Variants in ATG7 observed in about 807,000 individuals in gnomAD.
ATG7 encodes ubiquitin-like modifier-activating enzyme ATG7.
Under a neutral mutation model 82.4 loss-of-function variants are expected in ATG7, and 70 were observed. The ratio of observed to expected loss-of-function variants is 0.85; its 90% CI spans 0.70 to 1.04. The LOEUF is 1.04. Ranked by LOEUF, ATG7 falls within the 50% of genes least tolerant of loss-of-function variation. The pLI, the probability that ATG7 is intolerant of heterozygous loss-of-function variation, is 0.00. For missense variants in ATG7, 792 were observed against 864.3 expected, an observed-to-expected ratio of 0.92 and a Z score of 1.05; for synonymous variants, 287 against 313.0, an observed-to-expected ratio of 0.92 and a Z score of 0.88.
intron 20 of ATG7, among the ~76,000 whole-genome samples, chr3:11,449,230 G>T (rs1432904071): frequency 6.6e-6 from 1 of 152,282 alleles, no homozygotes; most frequent in East Asian, 1.9e-4. Context: ...CTATTAGCTG[G>T]GCATGATGGC....
the ATG7 span, among the ~76,000 whole-genome samples, chr3:11,566,662 G>A: frequency 1.2e-4 from 18 of 152,216 alleles, no homozygotes; most frequent in Admixed American, 9.2e-4. Flanking sequence ...CTGTGTACAC[G>A]CGGTGCCGCT....
the ATG7 span, chr3:11,565,128 C>T: frequency 1.8e-6 from 2 of 1,123,930 alleles, no homozygotes; most frequent in African/African-American, 3.3e-5. This position sits in a 1 kb window ranked among gnomAD's most constrained non-coding sequence, Gnocchi z 4.1. Flanking sequence ...CCCTGAAGCT[C>T]AGGTCGTGTG....
downstream of ATG7, among the ~76,000 whole-genome samples, chr3:11,562,645 A>G (rs1000010): frequency 0.43 from 65,718 of 152,146 alleles, 14,725 homozygotes; most frequent in African/African-American, 0.54. Context: ...GCATGGCCTC[A>G]GCCCCGCCAC....
At chr3:11,377,830 G>C (rs1431092207) in intron 18 of ATG7, among the ~76,000 whole-genome samples, 5 of 152,000 alleles carry the variant, frequency 3.3e-5, no homozygotes, top group Non-Finnish European at 7.4e-5. Flanking sequence ...ATTCCCATTT[G>C]TGACTTGCTA....
intron 20 of ATG7, among the ~76,000 whole-genome samples, chr3:11,430,119 A>AAAAAAG (rs1265038129): frequency 6.6e-6 from 1 of 151,994 alleles, no homozygotes; most frequent in African/African-American, 2.4e-5. Flanking sequence ...GTGACCCTTA[A>AAAAAAG]TAGGTATTTG....
chr3:11,372,831 T>TGC lies in ATG7; in HGVS notation c.1876-7140_1876-7139insCG, dbSNP rs1559490419. 8.6e-5 allele frequency among the ~76,000 whole-genome samples: 10 copies of TGC among 116,242 alleles called. No individual in the cohort carries two copies. The East Asian group carries it at 1.2e-3, about 14-fold the overall frequency. 76.3% of individuals were successfully genotyped at this position (116,242 alleles called of 152,430 possible). A position where few individuals can be genotyped will look rare whatever the true frequency, so the allele number is the denominator to read the frequency against. On this transcript the variant is annotated intron_variant, in intron 18 of 20. Transcript: ENST00000693202. ...GTGTGTGTGTGCGCGCGTGTGCGTG[T>TGC]GTGTGCGTGCGTGCGTGTGCGTGTG...
At chr3:11,426,970 A>T in intron 20 of ATG7, 44 bp downstream of exon 20, 1 of 1,517,672 alleles carries the variant, frequency 6.6e-7, no homozygotes, top group Non-Finnish European at 8.8e-7. Context: ...TGACATGCTT[A>T]AAACTATTTG....
the ATG7 span, among the ~76,000 whole-genome samples, chr3:11,575,906 C>T: frequency 6.6e-6 from 1 of 152,144 alleles, no homozygotes; most frequent in African/African-American, 2.4e-5. Context: ...TCTAGAGAGG[C>T]GGGACTCACG....
chr3:11,320,130 G>A (rs891826529), intron 9 of ATG7, among the ~76,000 whole-genome samples: 20 of 151,830 alleles, frequency 1.3e-4, no homozygotes, highest in African/African-American at 4.4e-4. Flanking sequence ...CTTTTGCCTG[G>A]AACTCTCTTC....
chr3:11,509,481 C>T (rs2091932708), intron 20 of ATG7, among the ~76,000 whole-genome samples: 1 of 151,940 alleles, frequency 6.6e-6, no homozygotes, highest in Admixed American at 6.6e-5. Flanking sequence ...TGGTGCAACT[C>T]CTTGTATGTC....
intron 20 of ATG7, among the ~76,000 whole-genome samples, chr3:11,522,865 T>C (rs1477889695): frequency 1.3e-5 from 2 of 152,110 alleles, no homozygotes; most frequent in African/African-American, 4.8e-5. Context: ...CACAAATTAG[T>C]AGATAGCTCT....
chr3:11,434,875 A>T (rs1159507147), intron 20 of ATG7, among the ~76,000 whole-genome samples: 1 of 152,238 alleles, frequency 6.6e-6, no homozygotes, highest in Non-Finnish European at 1.5e-5. Context: ...ATGGGAATCC[A>T]GTCCTTCTTA....
intron 20 of ATG7, among the ~76,000 whole-genome samples, chr3:11,530,597 G>A (rs943541480): frequency 2.0e-5 from 3 of 152,032 alleles, no homozygotes; most frequent in Non-Finnish European, 4.4e-5. Flanking sequence ...GAGACCAACC[G>A]CTGTTGCCCT....
intron 20 of ATG7, among the ~76,000 whole-genome samples, chr3:11,485,521 G>C (rs762997706): frequency 6.6e-6 from 1 of 152,028 alleles, no homozygotes; most frequent in Non-Finnish European, 1.5e-5. Context: ...AGTTTCTTTT[G>C]CTGTGCAGAA....
chr3:11,359,253 T>C (rs1479054297), intron 15 of ATG7, among the ~76,000 whole-genome samples: 1 of 152,168 alleles, frequency 6.6e-6, no homozygotes, highest in African/African-American at 2.4e-5. Context: ...AAACTATTAA[T>C]AGTAATTTTT....
chr3:11,301,659 C>G (rs1270693653), intron 5 of ATG7, among the ~76,000 whole-genome samples: 1 of 152,170 alleles, frequency 6.6e-6, no homozygotes, highest in Non-Finnish European at 1.5e-5. Flanking sequence ...CTAATAATCT[C>G]TCTCTTGTTT....
chr3:11,559,583 T>C (rs2072777919), downstream of ATG7: 2 of 1,343,712 alleles, frequency 1.5e-6, no homozygotes, highest in Non-Finnish European at 2.0e-6. Flanking sequence ...CACCTCCCAC[T>C]TCAATACTGG....
At chr3:11,563,648 T>C in the ATG7 span, among the ~76,000 whole-genome samples, 2 of 152,320 alleles carry the variant, frequency 1.3e-5, no homozygotes, top group African/African-American at 2.4e-5. Flanking sequence ...TCGGGTTCCA[T>C]CAGACACATC....
At chr3:11,569,022 G>C in the ATG7 span, 12 of 855,352 alleles carry the variant, frequency 1.4e-5, no homozygotes, top group African/African-American at 1.8e-5. Context: ...TCTGAGTACT[G>C]AAAGCCACAC....
Sources: gnomAD v4.1 joint callset for allele counts (sites outside exome capture counted in the v4.1 genomes callset) on GRCh38, gnomAD v4.1.1 for gene constraint, Gnocchi (gnomAD v3.1) non-coding constraint, MANE v1.5 for transcripts, NCBI Gene and HGNC (gene_info 2026-07-23, HGNC 2026-07-21) for gene names.